CARTPT: variants seen among roughly 807,000 people sequenced by gnomAD.
The protein encoded by CARTPT is CART prepropeptide.
Under a neutral mutation model 12.2 loss-of-function variants are expected in CARTPT, and 6 were observed. The observed-to-expected ratio is 0.49, with a 90% CI of 0.27 to 0.97. The LOEUF is 0.97. CARTPT is among the 50% of genes least tolerant of loss of function. CARTPT has a pLI of 0.12. For synonymous variants in CARTPT, 75 were observed against 64.1 expected, an observed-to-expected ratio of 1.17 and a Z score of -0.82; for missense variants, 135 against 142.0, an observed-to-expected ratio of 0.95 and a Z score of 0.25.
chr5:71,719,340 T>G lies in CARTPT; in HGVS notation c.47T>G (p.Leu16Arg). ...CTGCTGCCCCTCCTGGGCGCCGCCC[T>G]GCTGCTGATGCTACCTCTGTTGGGT... is the stretch of plus-strand genomic sequence containing the variant. ...VRLLPLLGAA[L>R]LLMLPLLGTR... Residue 16 changes from leucine to arginine, a missense_variant, in exon 1 of 3, where the codon CTG becomes CGG. Transcript: ENST00000296777. 6.2e-7 allele frequency: 1 copy of G among 1,613,824 alleles called. No homozygotes were observed. Among genetic ancestry groups the G allele is most frequent in the Non-Finnish European group, 8.5e-7 (1 of 1,180,002 alleles).
chr5:71,719,528 C>A (rs1018698438), intron 1 of CARTPT, 76 bp downstream of exon 1: 14 of 1,540,058 alleles, frequency 9.1e-6, no homozygotes, highest in Non-Finnish European at 1.2e-5. Context: ...CTCCTCCCCC[C>A]ACCCCCACTC....
At chr5:71,719,572 G>A in intron 1 of CARTPT, 120 bp downstream of exon 1, 1 of 1,236,592 alleles carries the variant, frequency 8.1e-7, no homozygotes, top group Non-Finnish European at 1.2e-6. Flanking sequence ...GGAGCTGAGC[G>A]CAACGCCCAG....
chr5:71,719,496 G>T (rs1384558369), intron 1 of CARTPT, 44 bp downstream of exon 1: 2 of 1,611,398 alleles, frequency 1.2e-6, no homozygotes, highest in Admixed American at 1.7e-5. Flanking sequence ...CTGTCGCCTT[G>T]TCTCTTCTCT....
Position 71,720,831 on chromosome 5 carries a change from A to G in CARTPT, c.*216A>G, listed in dbSNP as rs1005124381. 1.8e-6 allele frequency: 1 copy of G among 549,158 alleles called. No individual in the cohort carries two copies. The highest frequency in any genetic ancestry group is 3.3e-6 in the Non-Finnish European group (1 of 305,890). 34.0% of individuals were successfully genotyped at this position (549,158 alleles called of 1,614,324 possible). ...TATGGTGTTGATACGTGTGTGAAGT[A>G]TTCTTATTTTATTTGTCTGACAAAC... On this transcript the variant is annotated 3_prime_UTR_variant, in exon 3 of 3. Coordinates refer to ENST00000296777, the MANE Select transcript of CARTPT (RefSeq NM_004291.4).
intron 1 of CARTPT, 107 bp from the exon 2 acceptor site, chr5:71,719,773 G>C (rs1748669237): frequency 1.4e-5 from 14 of 1,019,858 alleles, no homozygotes; most frequent in Non-Finnish European, 2.2e-5. Flanking sequence ...TCCCACCGCA[G>C]AGTGCGTGTG....
At chr5:71,719,828 C>T in intron 1 of CARTPT, 52 bp from the exon 2 acceptor site, 6 of 1,568,846 alleles carry the variant, frequency 3.8e-6, no homozygotes, top group Non-Finnish European at 4.4e-6. Flanking sequence ...CGCACCTGGG[C>T]TGGGCTCGCA....
chr5:71,719,401 A>G lies in CARTPT; in HGVS notation c.108A>G (p.Arg36=), dbSNP rs61730984. 6.4e-5 allele frequency: 104 copies of G among 1,614,056 alleles called. No individual in the cohort carries two copies. The African/African-American group carries it at 8.7e-4, about 13-fold the overall frequency. The change falls in exon 1 of 3, where the codon CGA becomes CGG. Residue 36 remains arginine (R), a synonymous_variant. Coordinates refer to ENST00000296777, the MANE Select transcript of CARTPT (RefSeq NM_004291.4). ...AGGAGGACGCCGAGCTCCAGCCCCG[A>G]GCCCTGGACATCTACTCTGCCGTGG... ...RAQEDAELQP[R]ALDIYSAVDD... is the part of the protein sequence containing the mutation.
Position 71,720,787 on chromosome 5 carries a change from T to G in CARTPT, c.*172T>G. 1 of 653,118 alleles carries G rather than the reference T, an allele frequency of 1.5e-6. No individual in the cohort carries two copies. The highest frequency in any genetic ancestry group is 1.8e-5 in the African/African-American group (1 of 55,602). 40.5% of individuals were successfully genotyped at this position (653,118 alleles called of 1,614,324 possible). On this transcript the variant is annotated 3_prime_UTR_variant, in exon 3 of 3. Transcript: ENST00000296777. Reference sequence around the variant, plus strand: ...TAAAAGAACACATTAGATGTTACTGTGTGAAGAATAATGCCTTGTATGGTG... The same window carrying G: ...TAAAAGAACACATTAGATGTTACTGGGTGAAGAATAATGCCTTGTATGGTG...
intron 1 of CARTPT, 97 bp downstream of exon 1, chr5:71,719,549 A>C (rs1246277715): frequency 1.4e-6 from 2 of 1,468,300 alleles, no homozygotes; most frequent in Non-Finnish European, 1.9e-6. Flanking sequence ...CTATTCCCAG[A>C]GTCAGGGCGC....
intron 1 of CARTPT, 65 bp from the exon 2 acceptor site, chr5:71,719,815 G>C: frequency 4.1e-6 from 6 of 1,480,060 alleles, no homozygotes; most frequent in Non-Finnish European, 5.7e-6. Flanking sequence ...AGGGCTGGAA[G>C]TGCGCACCTG....
At position 71,720,500 on chromosome 5, in the gene CARTPT, T is replaced by G. The variant is rs746270571; in HGVS notation, c.244-8T>G. 6.2e-7 allele frequency: 1 copy of G among 1,608,868 alleles called. No homozygotes were observed. The highest frequency in any genetic ancestry group is 8.5e-7 in the Non-Finnish European group (1 of 1,177,760). ...CATACTCGATGACCACACATTTTGT[T>G]GTTTCAGTGTGACGCCGGTGAGCAG... On this transcript the variant is annotated splice_region_variant and splice_polypyrimidine_tract_variant and intron_variant, in intron 2 of 2. Coordinates refer to ENST00000296777, the MANE Select transcript of CARTPT (RefSeq NM_004291.4).
chr5:71,720,944 C>A lies in CARTPT; in HGVS notation c.*329C>A. ...ATGGCAGAATGAAAATTAGATCTAG[C>A]TAATCTCGGTAGATGTCATTACAAC... On this transcript the variant is annotated 3_prime_UTR_variant, in exon 3 of 3. Transcript: ENST00000296777. The A allele has an allele frequency of 2.9e-6, 1 of 341,814 alleles. No individual in the cohort carries two copies. The highest frequency in any genetic ancestry group is 7.0e-5 in the East Asian group (1 of 14,346). 21.2% of individuals were successfully genotyped at this position (341,814 alleles called of 1,614,324 possible).
In CARTPT at chr5:71,720,660, C is replaced by T; in HGVS notation, c.*45C>T. The T allele has an allele frequency of 7.0e-7, 1 of 1,434,654 alleles. No homozygotes were observed. Among genetic ancestry groups the T allele is most frequent in the Non-Finnish European group, 9.7e-7 (1 of 1,033,864 alleles). 88.9% of individuals were successfully genotyped at this position (1,434,654 alleles called of 1,614,324 possible). Reference sequence around the variant, plus strand: ...CATACATCCCCATCCCTCTACTTTCCCCAGAGGACCACACCTTCCTCCCTG... The same window carrying T: ...CATACATCCCCATCCCTCTACTTTCTCCAGAGGACCACACCTTCCTCCCTG... On this transcript the variant is annotated 3_prime_UTR_variant, in exon 3 of 3. Transcript: ENST00000296777.
chr5:71,719,544 C>T, intron 1 of CARTPT, 92 bp downstream of exon 1: 1 of 1,493,050 alleles, frequency 6.7e-7, no homozygotes, highest in Admixed American at 1.7e-5. Context: ...CACTCCTATT[C>T]CCAGAGTCAG....
At chr5:71,719,758 C>A (rs1199961291) in intron 1 of CARTPT, 122 bp from the exon 2 acceptor site, 2 of 924,562 alleles carry the variant, frequency 2.2e-6, no homozygotes, top group African/African-American at 1.6e-5. Context: ...CCTGTGTCCG[C>A]GGAGTCCCAC....
At position 71,720,621 on chromosome 5, in the gene CARTPT, C is replaced by T. The variant is rs1800926; in HGVS notation, c.*6C>T. Reference sequence around the variant, plus strand: ...TCCTCCTGAAGTGCTTATGAAGGGGCGTCCATTCTCCTCCATACATCCCCA... The same window carrying T: ...TCCTCCTGAAGTGCTTATGAAGGGGTGTCCATTCTCCTCCATACATCCCCA... On this transcript the variant is annotated 3_prime_UTR_variant, in exon 3 of 3. Coordinates refer to ENST00000296777, the MANE Select transcript of CARTPT (RefSeq NM_004291.4). The T allele has an allele frequency of 1.3e-6, 2 of 1,589,464 alleles. No individual in the cohort carries two copies. The highest frequency in any genetic ancestry group is 2.3e-5 in the South Asian group (2 of 87,750).
Position 71,719,913 on chromosome 5 carries a change from A to G in CARTPT, c.193A>G (p.Lys65Glu). 2 of 1,614,210 alleles carry G rather than the reference A, an allele frequency of 1.2e-6. No individual in the cohort carries two copies. The highest frequency in any genetic ancestry group is 1.7e-6 in the Non-Finnish European group (2 of 1,180,018). ...EALQEVLKKL[K>E]SKRVPIYEKK... is the part of the protein sequence containing the mutation. ...GCTGCAAGAAGTCTTGAAGAAGCTC[A>G]AGAGTAAACGTGTTCCCATCTATGA... The change falls in exon 2 of 3, where the codon AAG (lysine) becomes GAG (glutamate). Residue 65 changes from lysine (K) to glutamate (E), a missense_variant. Lys to Glu is a moderately conservative substitution (Grantham distance 56, BLOSUM62 1). Transcript: ENST00000296777.
chr5:71,719,618 CG>C, intron 1 of CARTPT, 166 bp downstream of exon 1: 2 of 870,722 alleles, frequency 2.3e-6, no homozygotes, highest in Non-Finnish European at 3.6e-6. Flanking sequence ...CTCGAGCTCA[CG>C]GGCTCCTGGC....
chr5:71,720,393 G>T, intron 2 of CARTPT, 115 bp from the exon 3 acceptor site: 1 of 837,436 alleles, frequency 1.2e-6, no homozygotes, highest in Admixed American at 2.0e-5. Flanking sequence ...CTCTTGTGAT[G>T]GTGATGGGGT....
Sources: gnomAD v4.1 joint callset for allele counts on GRCh38, gnomAD v4.1.1 for gene constraint, MANE v1.5 for transcripts, NCBI Gene and HGNC (gene_info 2026-07-23, HGNC 2026-07-21) for gene names.